SHANK2: variants seen among roughly 807,000 people sequenced by gnomAD.
SHANK2 encodes SH3 and multiple ankyrin repeat domains protein 2.
A neutral mutation model predicts 133.7 loss-of-function variants in SHANK2; 43 were observed. The ratio of observed to expected loss-of-function variants is 0.32; its 90% CI spans 0.25 to 0.41. The LOEUF is 0.41. Among genes scored for constraint, SHANK2 ranks in the 10% least tolerant of loss-of-function variants. SHANK2 has a pLI of 1.00. For missense variants in SHANK2, 1,994 were observed against 2,235.8 expected, an observed-to-expected ratio of 0.89 and a Z score of 2.18; for synonymous variants, 1,017 against 952.8, an observed-to-expected ratio of 1.07 and a Z score of -1.24.
intron 3 of SHANK2, among the ~76,000 whole-genome samples, chr11:71,126,478 A>T (rs1952190554): frequency 6.6e-6 from 1 of 152,160 alleles, no homozygotes. Flanking sequence ...CATACACAAT[A>T]TCCATTTTGC....
chr11:70,873,541 G>A (rs182264473), intron 11 of SHANK2, among the ~76,000 whole-genome samples: 1 of 152,162 alleles, frequency 6.6e-6, no homozygotes, highest in East Asian at 1.9e-4. Flanking sequence ...AGGAGGAGCG[G>A]CTGCCACACA....
intron 23 of SHANK2, chr11:70,489,944 G>A (rs2058861326): frequency 8.0e-6 from 3 of 376,444 alleles, no homozygotes; most frequent in East Asian, 6.2e-5. Context: ...GCAGGGCAGG[G>A]TGGGGGAGGG....
intron 15 of SHANK2, among the ~76,000 whole-genome samples, chr11:70,683,144 T>G (rs1446849971): frequency 6.6e-6 from 1 of 152,186 alleles, no homozygotes; most frequent in African/African-American, 2.4e-5. Flanking sequence ...TTACTGAAAT[T>G]TTTTAATTTT....
At chr11:71,136,924 G>A (rs191479559) in intron 3 of SHANK2, among the ~76,000 whole-genome samples, 30 of 152,298 alleles carry the variant, frequency 2.0e-4, no homozygotes, top group Middle Eastern at 3.4e-3. Flanking sequence ...GTGCAGTGGC[G>A]CGATCTCCAC....
At chr11:70,552,945 C>T (rs1554978541) in intron 17 of SHANK2, among the ~76,000 whole-genome samples, 1 of 152,126 alleles carries the variant, frequency 6.6e-6, no homozygotes. Flanking sequence ...AGCGTTGGCT[C>T]CTCCTGAGGC....
chr11:71,057,311 G>A (rs1950932600), intron 9 of SHANK2, among the ~76,000 whole-genome samples: 1 of 151,814 alleles, frequency 6.6e-6, no homozygotes, highest in Admixed American at 6.6e-5. Context: ...CTCCAGCCTG[G>A]GCAACAAGGG....
At chr11:70,794,910 T>A (rs1184700930) in intron 14 of SHANK2, among the ~76,000 whole-genome samples, 1 of 152,102 alleles carries the variant, frequency 6.6e-6, no homozygotes, top group Non-Finnish European at 1.5e-5. Flanking sequence ...GTATATACAT[T>A]TGTCAAAATG....
At chr11:70,926,144 G>T (rs193045100) in intron 10 of SHANK2, among the ~76,000 whole-genome samples, 32 of 152,028 alleles carry the variant, frequency 2.1e-4, no homozygotes, top group Admixed American at 5.2e-4. Context: ...GTGGTGGTAT[G>T]TGTCTGTAGT....
chr11:70,547,299 T>TACA (rs1554976591), intron 17 of SHANK2, among the ~76,000 whole-genome samples: 11 of 152,196 alleles, frequency 7.2e-5, no homozygotes. Flanking sequence ...CTCGCTCTGT[T>TACA]GCCCAGGCTG....
Position 70,692,718 on chromosome 11 carries a change from A to G in SHANK2, c.1853+5970T>C, listed in dbSNP as rs149265770. Among the ~76,000 whole-genome samples, 1,354 of 152,316 alleles carry G rather than the reference A, an allele frequency of 8.9e-3. 84 individuals are homozygous for G. Among genetic ancestry groups the G allele is most frequent in the Admixed American group, 0.083 (1,272 of 15,296 alleles). On this transcript the variant is annotated intron_variant, in intron 15 of 25. Transcript: ENST00000601538. ...CCTGCATATCTTGAATTTTTAAACC[A>G]GGTATATGTATTTCTTATTACTGAT...
chr11:70,569,622 C>T lies in SHANK2; in HGVS notation c.2062-66691G>A, dbSNP rs547596789. Among the ~76,000 whole-genome samples, 17 of 152,280 alleles carry T rather than the reference C, an allele frequency of 1.1e-4. No homozygotes were observed. The East Asian group carries it at 3.1e-3, about 28-fold the overall frequency. The stretch of plus-strand genomic sequence containing the variant: ...CGAGGAGGTTAGGACAGCCCTCGGG[C>T]TCAGGAGTGCCCAGTGACCCAGTCC... On this transcript the variant is annotated intron_variant, in intron 17 of 25. Transcript: ENST00000601538. This position sits in a 1 kb window ranked among gnomAD's most constrained non-coding sequence, Gnocchi z 5.1.
At chr11:70,783,631 C>G (rs189253827) in intron 14 of SHANK2, among the ~76,000 whole-genome samples, 12 of 151,780 alleles carry the variant, frequency 7.9e-5, no homozygotes, top group Non-Finnish European at 1.2e-4. Context: ...CAACTGTGTG[C>G]GAGACCAGCC....
At chr11:70,601,105 G>A (rs1316436104) in intron 17 of SHANK2, among the ~76,000 whole-genome samples, 1 of 151,476 alleles carries the variant, frequency 6.6e-6, no homozygotes, top group South Asian at 2.1e-4. Context: ...CAGGCTGAGC[G>A]CAGTGGTGTA....
At position 70,473,734 on chromosome 11, in the gene SHANK2, AC is replaced by A; in HGVS notation, c.4980-296del. On this transcript the variant is annotated intron_variant, in intron 25 of 25. Transcript: ENST00000601538. The surrounding 1 kb of genome is among the most constrained non-coding windows in gnomAD (Gnocchi z 5.9). Reference sequence around the variant, plus strand: ...GGGAGCACACCACGTCAGCCCACTCACCTGAACTGGGACAGAGGGGCTGGGG... The same window carrying A: ...GGGAGCACACCACGTCAGCCCACTCACTGAACTGGGACAGAGGGGCTGGGG... 1 of 456,202 alleles carries A rather than the reference AC, an allele frequency of 2.2e-6. No homozygotes were observed. Among genetic ancestry groups the A allele is most frequent in the South Asian group, 2.0e-5 (1 of 49,712 alleles). 28.3% of individuals were successfully genotyped at this position (456,202 alleles called of 1,614,324 possible).
intron 25 of SHANK2, chr11:70,477,427 C>T (rs1290638066): frequency 6.6e-6 from 1 of 152,150 alleles, no homozygotes; most frequent in Non-Finnish European, 1.5e-5. Flanking sequence ...ACAAGCTTGT[C>T]TTCTCCTTCT....
chr11:71,071,144 G>GT (rs1337304400), intron 9 of SHANK2, among the ~76,000 whole-genome samples: 1 of 152,174 alleles, frequency 6.6e-6, no homozygotes, highest in East Asian at 1.9e-4. Context: ...ATTAAGGAAT[G>GT]TTTTTTCCAT....
intron 11 of SHANK2, among the ~76,000 whole-genome samples, chr11:70,892,924 CAT>C (rs1448695937): frequency 3.3e-5 from 5 of 152,144 alleles, no homozygotes; most frequent in African/African-American, 9.7e-5. Flanking sequence ...CTCATGAACA[CAT>C]GTGTACAGCT....
At position 70,518,706 on chromosome 11, in the gene SHANK2, C is replaced by T. The variant is rs75366965; in HGVS notation, c.2062-15775G>A. ...CCGGGCATACCCACGCCAGGAGCCC[C>T]GGCACAGCTGCTTGGGTCTTTCTGC... On this transcript the variant is annotated intron_variant, in intron 17 of 25. Coordinates refer to ENST00000601538, the MANE Select transcript of SHANK2 (RefSeq NM_012309.5). Among the ~76,000 whole-genome samples, 31 of 152,312 alleles carry T rather than the reference C, an allele frequency of 2.0e-4. No individual in the cohort carries two copies. The East Asian group carries it at 5.2e-3, about 26-fold the overall frequency.
At chr11:70,818,259 C>A (rs181456180) in intron 12 of SHANK2, among the ~76,000 whole-genome samples, 1 of 152,280 alleles carries the variant, frequency 6.6e-6, no homozygotes, top group East Asian at 1.9e-4. Flanking sequence ...GGCAAATGCA[C>A]ACAGACCAAA....
Sources: gnomAD v4.1 joint callset for allele counts (sites outside exome capture counted in the v4.1 genomes callset) on GRCh38, gnomAD v4.1.1 for gene constraint, Gnocchi (gnomAD v3.1) non-coding constraint, MANE v1.5 for transcripts, NCBI Gene and HGNC (gene_info 2026-07-23, HGNC 2026-07-21) for gene names.